The following CDKAL1 variants were observed in gnomAD, a reference collection of about 807,000 sequenced individuals.
CDKAL1 encodes CDKAL1 threonylcarbamoyladenosine tRNA methylthiotransferase, also known as threonylcarbamoyladenosine tRNA methylthiotransferase.
In CDKAL1, 32 loss-of-function variants were observed where a neutral mutation model predicts 68.2. The observed-to-expected ratio is 0.47, with a 90% confidence interval of 0.35 to 0.63. The LOEUF (loss-of-function observed/expected upper bound fraction) is 0.63, where lower values mean the gene tolerates loss of function less well. CDKAL1 is among the 30% of genes least tolerant of loss of function. CDKAL1 has a pLI of 0.00. For synonymous variants in CDKAL1, 234 were observed against 244.3 expected, an observed-to-expected ratio of 0.96 and a Z score of 0.39; for missense variants, 606 against 696.7, an observed-to-expected ratio of 0.87 and a Z score of 1.47.
chr6:20,734,545 G>T (rs1390334070), intron 5 of CDKAL1, among the ~76,000 whole-genome samples: 2 of 152,054 alleles, frequency 1.3e-5, no homozygotes, highest in Admixed American at 1.3e-4. Flanking sequence ...CAGACAAAAA[G>T]AACAAGCTGT....
intron 11 of CDKAL1, among the ~76,000 whole-genome samples, chr6:21,015,567 A>G (rs1360935925): frequency 1.3e-5 from 2 of 151,356 alleles, no homozygotes; most frequent in Non-Finnish European, 2.9e-5. Flanking sequence ...GTTTGTTTTG[A>G]CTCTTATCAA....
chr6:21,226,952 C>T (rs1779772713), intron 15 of CDKAL1, among the ~76,000 whole-genome samples: 1 of 152,200 alleles, frequency 6.6e-6, no homozygotes, highest in Non-Finnish European at 1.5e-5. Context: ...ACCTCGTGAT[C>T]CGCCTCGGCC....
intron 9 of CDKAL1, among the ~76,000 whole-genome samples, chr6:20,867,651 C>T (rs145825669): frequency 8.5e-4 from 130 of 152,280 alleles, no homozygotes; most frequent in Non-Finnish European, 1.5e-3. Context: ...CCCCTTCTGA[C>T]AGGATAAGTG....
intron 8 of CDKAL1, among the ~76,000 whole-genome samples, chr6:20,790,711 G>C (rs1027785703): frequency 6.6e-6 from 1 of 152,194 alleles, no homozygotes; most frequent in Admixed American, 6.5e-5. Flanking sequence ...GAAGGGTGAG[G>C]ATGGGCAGAG....
rs549546349 is a variant in CDKAL1 at position 20,980,685 on chromosome 6, T to C, written c.910-19542T>C. On this transcript the variant is annotated intron_variant, in intron 10 of 15. Coordinates refer to ENST00000274695, the MANE Select transcript of CDKAL1 (RefSeq NM_017774.3). ...TGAATAGGCATGAGAACTCCTTATG[T>C]TGCTTAAAAAAGGCAACTTCACGTG... Among the ~76,000 whole-genome samples, 3 of 151,386 alleles carry C rather than the reference T, an allele frequency of 2.0e-5. 1 individual carries two copies. Among genetic ancestry groups the C allele is most frequent in the South Asian group, 4.2e-4 (2 of 4,756 alleles).
intron 12 of CDKAL1, among the ~76,000 whole-genome samples, chr6:21,099,668 A>C (rs1024126074): frequency 1.6e-4 from 25 of 152,216 alleles, no homozygotes; most frequent in Admixed American, 7.9e-4. Flanking sequence ...TATTTATAGC[A>C]ACTCGTGTTC....
intron 7 of CDKAL1, among the ~76,000 whole-genome samples, chr6:20,768,744 C>T (rs1774808055): frequency 6.6e-6 from 1 of 151,978 alleles, no homozygotes; most frequent in Admixed American, 6.6e-5. Flanking sequence ...ATTTTCAGGA[C>T]TTTGAGAGAG....
In CDKAL1 at chr6:20,957,369, A is replaced by G. The variant is rs1764829842; in HGVS notation, c.909+1784A>G. On this transcript the variant is annotated intron_variant, in intron 10 of 15. Coordinates refer to ENST00000274695, the MANE Select transcript of CDKAL1 (RefSeq NM_017774.3). ...TTGCAGCAGCTAATACTGTGTGTAT[A>G]GCAAATCCTAGTGCTCAGCACCTGA... Among the ~76,000 whole-genome samples the G allele has an allele frequency of 2.0e-5, 3 of 152,346 alleles. No homozygotes were observed. In the South Asian group the frequency reaches 6.2e-4, roughly 32 times the overall value.
intron 9 of CDKAL1, among the ~76,000 whole-genome samples, chr6:20,884,489 A>T (rs879717985): frequency 6.6e-6 from 1 of 152,202 alleles, no homozygotes; most frequent in Non-Finnish European, 1.5e-5. Flanking sequence ...TCAACGTTGT[A>T]CTCGAATTCC....
intron 15 of CDKAL1, among the ~76,000 whole-genome samples, chr6:21,209,030 C>T (rs1379888315): frequency 6.6e-6 from 1 of 152,156 alleles, no homozygotes; most frequent in Non-Finnish European, 1.5e-5. Context: ...GCTGGAGCAT[C>T]GTGAGGGAAA....
At chr6:20,549,263 A>G (rs1763723102) in intron 4 of CDKAL1, among the ~76,000 whole-genome samples, 1 of 152,076 alleles carries the variant, frequency 6.6e-6, no homozygotes, top group Admixed American at 6.6e-5. Flanking sequence ...TTCAACTTGA[A>G]TTGGTCTTTT....
At chr6:20,598,321 A>G (rs1010195320) in intron 4 of CDKAL1, among the ~76,000 whole-genome samples, 1 of 152,194 alleles carries the variant, frequency 6.6e-6, no homozygotes, top group African/African-American at 2.4e-5. Context: ...TTTTGTATGA[A>G]TATTTACTTT....
chr6:21,168,453 C>T lies in CDKAL1; in HGVS notation c.1300-29568C>T, dbSNP rs145043180. Among the ~76,000 whole-genome samples the T allele has an allele frequency of 4.3e-3, 658 of 152,282 alleles. 5 individuals are homozygous for T. The highest frequency in any genetic ancestry group is 0.014 in the African/African-American group (601 of 41,554). The stretch of plus-strand genomic sequence containing the variant: ...AGCTACAGAGAGATTAATTTTTATT[C>T]ACTAGTGGGAAGACCCTTTAATACT... On this transcript the variant is annotated intron_variant, in intron 13 of 15. Coordinates refer to ENST00000274695, the MANE Select transcript of CDKAL1 (RefSeq NM_017774.3).
At chr6:21,077,808 A>G (rs1022219229) in intron 12 of CDKAL1, among the ~76,000 whole-genome samples, 29 of 152,238 alleles carry the variant, frequency 1.9e-4, no homozygotes, top group African/African-American at 6.8e-4. Context: ...ACCATATCAC[A>G]TGGTGAAAAG....
chr6:21,205,715 T>C (rs954369458), intron 15 of CDKAL1, among the ~76,000 whole-genome samples: 4 of 150,744 alleles, frequency 2.7e-5, no homozygotes, highest in Non-Finnish European at 4.4e-5. Context: ...GTATTTTTAG[T>C]AGAGACGGGG....
At chr6:20,577,646 T>C (rs1484438686) in intron 4 of CDKAL1, among the ~76,000 whole-genome samples, 1 of 152,198 alleles carries the variant, frequency 6.6e-6, no homozygotes, top group Non-Finnish European at 1.5e-5. Context: ...CAAAATACCA[T>C]GTTAATGTAG....
At chr6:20,559,915 A>G (rs1193415192) in intron 4 of CDKAL1, among the ~76,000 whole-genome samples, 1 of 152,186 alleles carries the variant, frequency 6.6e-6, no homozygotes, top group Non-Finnish European at 1.5e-5. Context: ...TTCTTTTTTA[A>G]GAAAATGGGC....
intron 5 of CDKAL1, among the ~76,000 whole-genome samples, chr6:20,681,192 G>A (rs1770359942): frequency 6.6e-6 from 1 of 152,196 alleles, no homozygotes; most frequent in Non-Finnish European, 1.5e-5. Flanking sequence ...GCCTCATTCT[G>A]TAGGTGAATC....
chr6:21,160,965 G>C (rs1776900372), intron 13 of CDKAL1, among the ~76,000 whole-genome samples: 1 of 150,640 alleles, frequency 6.6e-6, no homozygotes, highest in Admixed American at 6.6e-5. Flanking sequence ...CAAGAGAATA[G>C]ATCCTGGAAG....
Sources: allele counts gnomAD v4.1 joint callset (sites outside exome capture counted in the v4.1 genomes callset), GRCh38; gene constraint gnomAD v4.1.1; transcripts MANE v1.5; gene names NCBI Gene and HGNC (gene_info 2026-07-23, HGNC 2026-07-21).